The following DTNB variants were observed in gnomAD, a reference collection of about 807,000 sequenced individuals.
DTNB encodes the protein dystrobrevin beta.
In DTNB, 63 loss-of-function variants were observed where a neutral mutation model predicts 90.7. The observed-to-expected ratio is 0.69, with a 90% CI of 0.57 to 0.86. The LOEUF (loss-of-function observed/expected upper bound fraction) is 0.86, where lower values mean the gene tolerates loss of function less well. Ranked by LOEUF, DTNB falls within the 40% of genes least tolerant of loss-of-function variation. The pLI is 0.00. For synonymous variants in DTNB, 277 were observed against 286.7 expected, an observed-to-expected ratio of 0.97 and a Z score of 0.34; for missense variants, 744 against 807.1, an observed-to-expected ratio of 0.92 and a Z score of 0.95.
intron 1 of DTNB, among the ~76,000 whole-genome samples, chr2:25,666,385 A>C (rs935726972): frequency 2.0e-5 from 3 of 152,232 alleles, no homozygotes; most frequent in Non-Finnish European, 4.4e-5. Context: ...AATTGACAAA[A>C]GACATCTTCC....
chr2:25,517,039 T>C (rs1184027740), intron 9 of DTNB, among the ~76,000 whole-genome samples: 1 of 152,138 alleles, frequency 6.6e-6, no homozygotes, highest in African/African-American at 2.4e-5. Context: ...AGTCAAAAAC[T>C]AAAAATGAGA....
intron 16 of DTNB, among the ~76,000 whole-genome samples, chr2:25,393,949 G>T (rs2041793949): frequency 6.6e-6 from 1 of 152,030 alleles, no homozygotes; most frequent in Admixed American, 6.6e-5. Context: ...GCAAGACTAA[G>T]CAAAAAGAAT....
chr2:25,564,683 C>T (rs1311896180), intron 8 of DTNB, among the ~76,000 whole-genome samples: 5 of 152,154 alleles, frequency 3.3e-5, no homozygotes, highest in Admixed American at 3.3e-4. Context: ...CCACCACACT[C>T]GGCCTATTTC....
intron 5 of DTNB, among the ~76,000 whole-genome samples, chr2:25,602,059 C>T (rs1007381516): frequency 2.6e-5 from 4 of 151,588 alleles, no homozygotes; most frequent in African/African-American, 9.7e-5. Flanking sequence ...GAGGTGGAAG[C>T]TGCGGTGAGC....
intron 10 of DTNB, among the ~76,000 whole-genome samples, chr2:25,467,657 C>T (rs965422938): frequency 1.3e-5 from 2 of 152,064 alleles, no homozygotes. Flanking sequence ...CCACAACATG[C>T]TGACTTATAA....
intron 11 of DTNB, among the ~76,000 whole-genome samples, chr2:25,451,848 C>T (rs533567776): frequency 2.6e-5 from 4 of 152,290 alleles, no homozygotes; most frequent in African/African-American, 7.2e-5. Context: ...AGCACATCCC[C>T]GCTGCTCCTC....
At chr2:25,489,535 A>T (rs947595244) in intron 9 of DTNB, among the ~76,000 whole-genome samples, 3 of 152,190 alleles carry the variant, frequency 2.0e-5, no homozygotes, top group African/African-American at 7.2e-5. Flanking sequence ...AGTTAAATAT[A>T]AGCCAGGCAT....
At chr2:25,558,136 G>A (rs1381270135) in intron 8 of DTNB, 11 of 919,996 alleles carry the variant, frequency 1.2e-5, no homozygotes, top group Non-Finnish European at 2.6e-6. Flanking sequence ...TAATTAACAT[G>A]CACATTTCAT....
intron 10 of DTNB, among the ~76,000 whole-genome samples, chr2:25,456,139 T>C (rs1050257751): frequency 6.6e-6 from 1 of 152,200 alleles, no homozygotes; most frequent in African/African-American, 2.4e-5. Flanking sequence ...TTCTAACTTT[T>C]TACTACAGAA....
chr2:25,615,009 G>GCTGT (rs1284717456), intron 4 of DTNB, among the ~76,000 whole-genome samples: 1 of 152,182 alleles, frequency 6.6e-6, no homozygotes, highest in Admixed American at 6.5e-5. Flanking sequence ...CAAGTAGTAG[G>GCTGT]CTGTCACCTA....
intron 10 of DTNB, among the ~76,000 whole-genome samples, chr2:25,475,181 A>T (rs2063527512): frequency 6.6e-6 from 1 of 152,280 alleles, no homozygotes; most frequent in South Asian, 2.1e-4. Context: ...GCTGACAGCA[A>T]GGCCTCTTGT....
intron 9 of DTNB, among the ~76,000 whole-genome samples, chr2:25,515,298 T>C (rs1243100939): frequency 6.6e-6 from 1 of 152,154 alleles, no homozygotes; most frequent in Non-Finnish European, 1.5e-5. Context: ...TAGACTAAAA[T>C]GTGTGTGGAA....
chr2:25,496,644 G>A (rs2068911536), intron 9 of DTNB, among the ~76,000 whole-genome samples: 1 of 152,128 alleles, frequency 6.6e-6, no homozygotes, highest in Admixed American at 6.5e-5. Flanking sequence ...AAAAGTTCAA[G>A]ACGAGCGTGG....
intron 16 of DTNB, among the ~76,000 whole-genome samples, chr2:25,388,854 A>G (rs948454534): frequency 2.0e-5 from 3 of 150,352 alleles, no homozygotes; most frequent in Non-Finnish European, 4.4e-5. Flanking sequence ...ATATACGTAT[A>G]TATCTTTTTT....
chr2:25,574,785 CT>C (rs2060407215), intron 8 of DTNB, among the ~76,000 whole-genome samples: 1 of 152,038 alleles, frequency 6.6e-6, no homozygotes, highest in Non-Finnish European at 1.5e-5. Flanking sequence ...GATAACAATG[CT>C]TATTTTTAAA....
chr2:25,478,280 A>T (rs1320596446), intron 10 of DTNB, among the ~76,000 whole-genome samples: 1 of 152,220 alleles, frequency 6.6e-6, no homozygotes, highest in African/African-American at 2.4e-5. Context: ...CTGGGTATAA[A>T]TTGGATACCC....
chr2:25,507,964 A>G (rs1224265415), intron 9 of DTNB, among the ~76,000 whole-genome samples: 2 of 152,244 alleles, frequency 1.3e-5, no homozygotes, highest in South Asian at 2.1e-4. Context: ...CAGATACCCA[A>G]AAGGGTAACT....
At chr2:25,635,733 T>C (rs997947827) in intron 3 of DTNB, among the ~76,000 whole-genome samples, 11 of 152,172 alleles carry the variant, frequency 7.2e-5, no homozygotes, top group African/African-American at 2.7e-4. Context: ...TAGTAGAAAT[T>C]GGCAAGCAGA....
chr2:25,391,089 G>C (rs1221099671), intron 16 of DTNB, among the ~76,000 whole-genome samples: 1 of 151,344 alleles, frequency 6.6e-6, no homozygotes, highest in Admixed American at 6.6e-5. Flanking sequence ...GTAGAGACAG[G>C]GTTTCACCAT....
Sources: gnomAD v4.1 joint callset for allele counts (sites outside exome capture counted in the v4.1 genomes callset) on GRCh38, gnomAD v4.1.1 for gene constraint, MANE v1.5 for transcripts, NCBI Gene and HGNC (gene_info 2026-07-23, HGNC 2026-07-21) for gene names.